C5orf34: variants seen among roughly 807,000 people sequenced by gnomAD.
The protein encoded by C5orf34 is uncharacterized protein C5orf34.
Under a neutral mutation model 78.4 loss-of-function variants are expected in C5orf34, and 73 were observed. That is an observed-to-expected ratio of 0.93 (90% CI 0.77 to 1.13). The LOEUF is 1.13. Ranked by LOEUF, C5orf34 falls within the 50% of genes most tolerant of loss-of-function variation. C5orf34 has a pLI of 0.00. For synonymous variants in C5orf34, 251 were observed against 246.6 expected, an observed-to-expected ratio of 1.02 and a Z score of -0.17; for missense variants, 730 against 732.7, an observed-to-expected ratio of 1.00 and a Z score of 0.04.
At chr5:43,493,952 A>T (rs901987830) in intron 7 of C5orf34, among the ~76,000 whole-genome samples, 3 of 152,158 alleles carry the variant, frequency 2.0e-5, no homozygotes, top group Non-Finnish European at 4.4e-5. Context: ...ATGTGAATCA[A>T]CTATCCCTAG....
At chr5:43,503,540 A>C (rs1170852819) in intron 5 of C5orf34, 125 bp downstream of exon 5, 1 of 749,570 alleles carries the variant, frequency 1.3e-6, no homozygotes, top group Non-Finnish European at 2.4e-6. Flanking sequence ...CAAACACAGG[A>C]GCACAGTTGG....
intron 9 of C5orf34, among the ~76,000 whole-genome samples, 159 bp downstream of exon 9, chr5:43,492,561 A>T (rs931009050): frequency 2.0e-5 from 3 of 152,218 alleles, no homozygotes; most frequent in Non-Finnish European, 4.4e-5. Context: ...TTGTCAAATC[A>T]TTCTGATTTT....
In C5orf34 at chr5:43,502,417, A is replaced by C. The variant is rs1745795634; in HGVS notation, c.1107T>G (p.Phe369Leu). 1 of 1,609,972 alleles carries C rather than the reference A, an allele frequency of 6.2e-7. No homozygotes were observed. The highest frequency in any genetic ancestry group is 1.1e-5 in the South Asian group (1 of 90,676). The change falls in exon 6 of 13, where the codon TTT (phenylalanine) becomes TTG (leucine). Residue 369 changes from phenylalanine (F) to leucine (L), a missense_variant. Coordinates refer to ENST00000306862, the MANE Select transcript of C5orf34 (RefSeq NM_198566.4). ...GSVFKSEGAY[F>L]GNYFTYYSIQ... ...TAGAATAATAAGTAAAATAGTTCCC[A>C]AAATAAGCCCCTTCTGATTTGAAAA... is the stretch of plus-strand genomic sequence containing the variant.
intron 5 of C5orf34, among the ~76,000 whole-genome samples, chr5:43,502,779 T>A (rs1175396865): frequency 6.6e-6 from 1 of 152,262 alleles, no homozygotes; most frequent in Admixed American, 6.5e-5. Flanking sequence ...TCCCCACTGC[T>A]AATCACAAGG....
chr5:43,494,440 T>A, intron 7 of C5orf34, 70 bp downstream of exon 7: 1 of 1,006,786 alleles, frequency 9.9e-7, no homozygotes, highest in Non-Finnish European at 1.5e-6. Flanking sequence ...ATCTTATCCT[T>A]AATCACAAGA....
At chr5:43,494,237 T>C (rs544819290) in intron 7 of C5orf34, among the ~76,000 whole-genome samples, 1 of 152,210 alleles carries the variant, frequency 6.6e-6, no homozygotes, top group Admixed American at 6.5e-5. Flanking sequence ...GCCACACTTA[T>C]GCAAAGAAAG....
intron 6 of C5orf34, chr5:43,495,211 G>C (rs1361668024): frequency 1.9e-6 from 3 of 1,610,746 alleles, no homozygotes; most frequent in East Asian, 4.5e-5. Flanking sequence ...AAGGTGGATA[G>C]TCTGAGAAGC....
Position 43,506,349 on chromosome 5 carries a change from T to C in C5orf34, c.331A>G (p.Thr111Ala). 1 of 1,613,266 alleles carries C rather than the reference T, an allele frequency of 6.2e-7. No homozygotes were observed. The highest frequency in any genetic ancestry group is 8.5e-7 in the Non-Finnish European group (1 of 1,179,742). Residue 111 changes from threonine (T) to alanine (A), a missense_variant, in exon 4 of 13, where the codon ACA becomes GCA. Thr to Ala is a moderately conservative substitution (Grantham distance 58). Transcript: ENST00000306862. ...ITEVRWPSLDTDGTMIYMESG... is the reference protein window; with the variant it reads ...ITEVRWPSLDADGTMIYMESG... ...TCCATATATATCATGGTACCATCTG[T>C]ATCAAGACTGGGCCATCTCACTTCT...
intron 6 of C5orf34, chr5:43,495,161 G>T (rs550498090): frequency 8.7e-6 from 14 of 1,608,676 alleles, no homozygotes; most frequent in South Asian, 1.1e-5. Context: ...GACACCCACC[G>T]CAACTGTCTG....
chr5:43,491,521 C>A (rs149051237), intron 10 of C5orf34, among the ~76,000 whole-genome samples: 1 of 152,078 alleles, frequency 6.6e-6, no homozygotes, highest in Non-Finnish European at 1.5e-5. Flanking sequence ...ATAATCATTG[C>A]GTAATTTTAT....
chr5:43,504,511 AAAG>A (rs1732193625), intron 4 of C5orf34, among the ~76,000 whole-genome samples: 1 of 152,192 alleles, frequency 6.6e-6, no homozygotes, highest in Non-Finnish European at 1.5e-5. Flanking sequence ...AAACCACTCT[AAAG>A]AAGTTAGGTT....
chr5:43,514,596 G>A (rs963533977), intron 1 of C5orf34, among the ~76,000 whole-genome samples: 1 of 152,044 alleles, frequency 6.6e-6, no homozygotes, highest in African/African-American at 2.4e-5. Flanking sequence ...CCATAACCCG[G>A]CTCCAACCCA....
intron 3 of C5orf34, among the ~76,000 whole-genome samples, 161 bp from the exon 4 acceptor site, chr5:43,506,555 T>C (rs1418289190): frequency 6.6e-6 from 1 of 152,166 alleles, no homozygotes; most frequent in Non-Finnish European, 1.5e-5. Flanking sequence ...AGCCTATATA[T>C]GATTTTCCAG....
intron 6 of C5orf34, among the ~76,000 whole-genome samples, chr5:43,502,164 C>A (rs765934312): frequency 6.6e-6 from 1 of 152,020 alleles, no homozygotes; most frequent in Non-Finnish European, 1.5e-5. Flanking sequence ...ACTGCTTAGG[C>A]AAATGGAGAT....
Position 43,505,958 on chromosome 5 carries a change from C to G in C5orf34, c.722G>C (p.Cys241Ser). The G allele has an allele frequency of 6.2e-7, 1 of 1,614,180 alleles. No individual in the cohort carries two copies. The highest frequency in any genetic ancestry group is 1.1e-5 in the South Asian group (1 of 91,076). ...CTCTGGACAGGCAGCCACAGACCAG[C>G]ACTGCTTGACCCATGTGTATACACA... is the stretch of plus-strand genomic sequence containing the variant. The part of the protein sequence containing the change: ...HTCVYTWVKQ[C>S]WSVAACPEEW... The change falls in exon 4 of 13, where the codon TGC (cysteine) becomes TCC (serine). Residue 241 changes from cysteine to serine, a missense_variant. Physicochemically the swap from Cys to Ser is moderately radical, Grantham distance 112. Coordinates refer to ENST00000306862, the MANE Select transcript of C5orf34 (RefSeq NM_198566.4).
At chr5:43,490,089 C>T (rs1165979367) in intron 11 of C5orf34, among the ~76,000 whole-genome samples, 1 of 152,050 alleles carries the variant, frequency 6.6e-6, no homozygotes, top group African/African-American at 2.4e-5. Flanking sequence ...CCCTTATTTC[C>T]TCCCTAAAAT....
Position 43,514,950 on chromosome 5 carries a change from C to A in C5orf34, c.-181G>T, listed in dbSNP as rs1746424727. ...TTTCTTCAGTTTGACAAATTACCAG[C>A]GAGTGATATTTCTTGGTGAAAGAAA... On this transcript the variant is annotated 5_prime_UTR_variant, in exon 1 of 13. Coordinates refer to ENST00000306862, the MANE Select transcript of C5orf34 (RefSeq NM_198566.4). The A allele has an allele frequency of 6.6e-6, 1 of 152,064 alleles. No homozygotes were observed. The highest frequency in any genetic ancestry group is 2.1e-4 in the South Asian group (1 of 4,820). 9.4% of individuals were successfully genotyped at this position (152,064 alleles called of 1,614,324 possible). A position where few individuals can be genotyped will look rare whatever the true frequency, so the allele number is the denominator to read the frequency against.
rs754757454 is a variant in C5orf34, at chr5:43,509,306, C to T, written c.34G>A (p.Asp12Asn). 13 of 1,612,950 alleles carry T rather than the reference C, an allele frequency of 8.1e-6. No homozygotes were observed. The highest frequency in any genetic ancestry group is 1.1e-5 in the Non-Finnish European group (13 of 1,179,514). Residue 12 changes from aspartate to asparagine, a missense_variant, in exon 2 of 13, where the codon GAT becomes AAT. By Grantham distance (23) the Asp-to-Asn change is conservative. Transcript: ENST00000306862. ...AAELRMILYE[D>N]DSVQVQYVDG... ...ACATATTGTACTTGTACTGAATCAT[C>T]TTCATAAAGTATCATTCGCAGTTCA... is the stretch of plus-strand genomic sequence containing the variant.
chr5:43,505,766 G>A lies in C5orf34; in HGVS notation c.914C>T (p.Pro305Leu). The change falls in exon 4 of 13, where the codon CCA (proline) becomes CTA (leucine). Residue 305 changes from proline (P) to leucine (L), a missense_variant. Physicochemically the swap from Pro to Leu is moderately conservative, Grantham distance 98. Coordinates refer to ENST00000306862, the MANE Select transcript of C5orf34 (RefSeq NM_198566.4). ...VLPRALSLSC[P>L]VPHLHRWNFC... The stretch of plus-strand genomic sequence containing the variant: ...GCATTACCTGTGTAGGTGTGGGACT[G>A]GACAGCTGAGTGACAGGGCCCTGGG... The A allele has an allele frequency of 1.3e-6, 2 of 1,586,544 alleles. No individual in the cohort carries two copies. Among genetic ancestry groups the A allele is most frequent in the South Asian group, 1.2e-5 (1 of 85,560 alleles).
Sources: allele counts gnomAD v4.1 joint callset (sites outside exome capture counted in the v4.1 genomes callset), GRCh38; gene constraint gnomAD v4.1.1; transcripts MANE v1.5; gene names NCBI Gene and HGNC (gene_info 2026-07-23, HGNC 2026-07-21).